The following DLG2 variants were observed in gnomAD, a reference collection of about 807,000 sequenced individuals.
DLG2 encodes discs large MAGUK scaffold protein 2.
Under a neutral mutation model 132.5 loss-of-function variants are expected in DLG2, and 45 were observed. The ratio of observed to expected loss-of-function variants is 0.34; its 90% CI spans 0.27 to 0.44. The LOEUF (loss-of-function observed/expected upper bound fraction) is 0.44. Ranked by LOEUF, DLG2 falls within the 20% of genes least tolerant of loss-of-function variation. The pLI is 1.00. For missense variants in DLG2, 1,045 were observed against 1,196.9 expected, an observed-to-expected ratio of 0.87 and a Z score of 1.87; for synonymous variants, 424 against 419.6, an observed-to-expected ratio of 1.01 and a Z score of -0.13.
At chr11:85,033,118 ACT>A (rs920049293) in intron 6 of DLG2, among the ~76,000 whole-genome samples, 3 of 152,194 alleles carry the variant, frequency 2.0e-5, no homozygotes, top group African/African-American at 7.2e-5. Context: ...TAAAAAAATA[ACT>A]GTTTTTTGTC....
intron 2 of DLG2, among the ~76,000 whole-genome samples, chr11:85,601,861 T>C (rs150050082): frequency 6.6e-6 from 1 of 152,224 alleles, no homozygotes; most frequent in Non-Finnish European, 1.5e-5. Context: ...CCTCTGAACA[T>C]GGTAAGACTT....
At chr11:83,919,551 A>G (rs888896760) in intron 15 of DLG2, among the ~76,000 whole-genome samples, 1 of 152,180 alleles carries the variant, frequency 6.6e-6, no homozygotes, top group African/African-American at 2.4e-5. Context: ...TTTTTACATT[A>G]CAGGTGGCTG....
intron 6 of DLG2, among the ~76,000 whole-genome samples, chr11:85,100,161 C>T (rs2070647005): frequency 6.6e-6 from 1 of 152,066 alleles, no homozygotes; most frequent in South Asian, 2.1e-4. Flanking sequence ...CTTACACTAT[C>T]TGAGGTAAGT....
At position 84,157,560 on chromosome 11, in the gene DLG2, AGC is replaced by A. The variant is rs2095455529; in HGVS notation, c.624+5899_624+5900del. ...ATCCTGCTGCCTCAGCCTCCTGAGT[AGC>A]TGGGACCTCAAGCATGAGCTGCTAT... On this transcript the variant is annotated intron_variant, in intron 9 of 27. Transcript: ENST00000376104. Among the ~76,000 whole-genome samples the A allele has an allele frequency of 4.6e-5, 7 of 152,306 alleles. No individual in the cohort carries two copies. In the South Asian group the frequency reaches 1.5e-3, roughly 32 times the overall value.
At chr11:84,935,133 C>G (rs564816965) in intron 6 of DLG2, among the ~76,000 whole-genome samples, 1 of 152,286 alleles carries the variant, frequency 6.6e-6, no homozygotes, top group South Asian at 2.1e-4. Flanking sequence ...AGTAAATTAT[C>G]AAGTCCTACT....
At chr11:85,575,559 T>A (rs115725691) in intron 3 of DLG2, among the ~76,000 whole-genome samples, 4 of 138,730 alleles carry the variant, frequency 2.9e-5, no homozygotes, top group African/African-American at 5.3e-5. Context: ...AAAAAAAAAA[T>A]AGTGACTGAG....
At chr11:84,744,744 C>T (rs1187579140) in intron 6 of DLG2, among the ~76,000 whole-genome samples, 2 of 151,820 alleles carry the variant, frequency 1.3e-5, no homozygotes, top group African/African-American at 4.8e-5. Flanking sequence ...GATACAAATA[C>T]AAAACACATT....
At chr11:84,627,398 C>A (rs778391930) in intron 6 of DLG2, among the ~76,000 whole-genome samples, 1 of 152,188 alleles carries the variant, frequency 6.6e-6, no homozygotes. Context: ...CATTTCTGAA[C>A]TCTTACAGAA....
intron 6 of DLG2, among the ~76,000 whole-genome samples, chr11:84,933,949 A>T (rs1470821633): frequency 6.6e-6 from 1 of 152,176 alleles, no homozygotes; most frequent in Non-Finnish European, 1.5e-5. Context: ...CAGTTTTTAC[A>T]GGGGAATGCT....
intron 6 of DLG2, among the ~76,000 whole-genome samples, chr11:85,001,496 T>G (rs2058208650): frequency 6.6e-6 from 1 of 152,186 alleles, no homozygotes; most frequent in African/African-American, 2.4e-5. Context: ...TCTCAGATGC[T>G]GGATGTCATC....
intron 6 of DLG2, among the ~76,000 whole-genome samples, chr11:84,697,685 C>T (rs554776337): frequency 4.8e-4 from 73 of 151,408 alleles, no homozygotes; most frequent in South Asian, 2.3e-3. Flanking sequence ...AGTTAAAGAA[C>T]GAAAGCTTTG....
At chr11:85,462,548 A>C (rs2092650962) in intron 3 of DLG2, among the ~76,000 whole-genome samples, 1 of 152,110 alleles carries the variant, frequency 6.6e-6, no homozygotes, top group Admixed American at 6.5e-5. Flanking sequence ...AACTATCACA[A>C]GGACAAAAAA....
intron 8 of DLG2, among the ~76,000 whole-genome samples, chr11:84,179,167 T>C (rs1054645570): frequency 6.6e-6 from 1 of 152,132 alleles, no homozygotes; most frequent in South Asian, 2.1e-4. Context: ...ATAGAAATTA[T>C]AAATCAAAAT....
intron 18 of DLG2, among the ~76,000 whole-genome samples, chr11:83,735,411 T>A (rs2153707522): frequency 6.6e-6 from 1 of 152,310 alleles, no homozygotes; most frequent in Admixed American, 6.5e-5. Flanking sequence ...GCAAGATGCT[T>A]TTTAAAAAGC....
At chr11:84,324,006 G>A (rs1300200829) in intron 7 of DLG2, among the ~76,000 whole-genome samples, 1 of 151,894 alleles carries the variant, frequency 6.6e-6, no homozygotes, top group Non-Finnish European at 1.5e-5. Context: ...CCATTGTGTA[G>A]GTTACCTTTT....
intron 3 of DLG2, among the ~76,000 whole-genome samples, chr11:85,542,098 C>A (rs1263529026): frequency 2.0e-5 from 3 of 152,182 alleles, no homozygotes; most frequent in African/African-American, 7.2e-5. Context: ...CGTGTGCCCA[C>A]AGAGAAAGAG....
chr11:84,152,501 C>T (rs1052340317), intron 9 of DLG2, among the ~76,000 whole-genome samples: 21 of 152,010 alleles, frequency 1.4e-4, no homozygotes, highest in African/African-American at 4.8e-4. Context: ...ATTCTCCTGC[C>T]TCAGCCTCCC....
intron 14 of DLG2, among the ~76,000 whole-genome samples, chr11:83,958,537 C>T (rs1428013592): frequency 3.3e-5 from 5 of 152,082 alleles, no homozygotes; most frequent in Non-Finnish European, 5.9e-5. Context: ...TTTCATAATG[C>T]TATTTATCAC....
intron 18 of DLG2, among the ~76,000 whole-genome samples, chr11:83,758,747 T>A (rs1405901404): frequency 1.3e-5 from 2 of 152,198 alleles, no homozygotes; most frequent in African/African-American, 4.8e-5. Flanking sequence ...AATAATTAAA[T>A]ACCACAGTTT....
Sources: allele counts gnomAD v4.1 joint callset (sites outside exome capture counted in the v4.1 genomes callset), GRCh38; gene constraint gnomAD v4.1.1; transcripts MANE v1.5; gene names NCBI Gene and HGNC (gene_info 2026-07-23, HGNC 2026-07-21).